The following CDH4 variants were observed in gnomAD, a reference collection of about 807,000 sequenced individuals.
CDH4 encodes the protein cadherin 4.
A neutral mutation model predicts 86.0 loss-of-function variants in CDH4; 33 were observed. The ratio of observed to expected loss-of-function variants is 0.38; its 90% CI spans 0.29 to 0.51. The LOEUF is 0.51. Among genes scored for constraint, CDH4 ranks in the 20% least tolerant of loss-of-function variants. The pLI, the probability that CDH4 is intolerant of heterozygous loss-of-function variation, is 0.86. For synonymous variants in CDH4, 555 were observed against 549.4 expected (o/e 1.01, Z -0.14); for missense variants, 1,114 against 1,307.4 (o/e 0.85, Z 2.28).
At chr20:61,889,645 G>A (rs1331734273) in intron 7 of CDH4, among the ~76,000 whole-genome samples, 1 of 151,104 alleles carries the variant, frequency 6.6e-6, no homozygotes, top group East Asian at 2.0e-4. Context: ...ATAGGTGGAT[G>A]ATGGATGGGT....
At position 61,518,779 on chromosome 20, in the gene CDH4, T is replaced by C. The variant is rs2085845416; in HGVS notation, c.170-224784T>C. ...CGTACATCCACCCATCATCCATCCT[T>C]TCATCCATCATTCATTCATCCATCC... On this transcript the variant is annotated intron_variant, in intron 2 of 15. Coordinates refer to ENST00000614565, the MANE Select transcript of CDH4 (RefSeq NM_001794.5). The surrounding 1 kb of genome is among the most constrained non-coding windows in gnomAD (Gnocchi z 6.3). Among the ~76,000 whole-genome samples the C allele has an allele frequency of 6.6e-6, 1 of 151,100 alleles. No homozygotes were observed. Among genetic ancestry groups the C allele is most frequent in the Non-Finnish European group, 1.5e-5 (1 of 67,730 alleles).
At position 61,505,691 on chromosome 20, in the gene CDH4, G is replaced by T. The variant is rs1297328036; in HGVS notation, c.170-237872G>T. Among the ~76,000 whole-genome samples, 2 of 143,254 alleles carry T rather than the reference G, an allele frequency of 1.4e-5. 1 individual carries two copies. Among genetic ancestry groups the T allele is most frequent in the Non-Finnish European group, 3.2e-5 (2 of 61,958 alleles). The allele number at this position is 143,254 out of a possible 152,430, so 94.0% of individuals were successfully genotyped here. On this transcript the variant is annotated intron_variant, in intron 2 of 15. Coordinates refer to ENST00000614565, the MANE Select transcript of CDH4 (RefSeq NM_001794.5). ...TGATTGACCCTGTGCTTGGCATCCT[G>T]CCTGGCAAGCCACAGTCGCTCACTG...
At chr20:61,835,763 G>A (rs898843799) in intron 4 of CDH4, among the ~76,000 whole-genome samples, 2 of 152,194 alleles carry the variant, frequency 1.3e-5, no homozygotes, top group Non-Finnish European at 2.9e-5. Flanking sequence ...CCCAACCTAA[G>A]ACACAGGGAT....
At chr20:61,476,381 G>C (rs529822785) in intron 2 of CDH4, among the ~76,000 whole-genome samples, 1 of 152,224 alleles carries the variant, frequency 6.6e-6, no homozygotes, top group Non-Finnish European at 1.5e-5. Flanking sequence ...GTGCCCGTGT[G>C]TGTGCACGTG....
intron 2 of CDH4, among the ~76,000 whole-genome samples, chr20:61,590,741 C>T (rs949675336): frequency 2.6e-5 from 4 of 152,170 alleles, no homozygotes; most frequent in Non-Finnish European, 4.4e-5. Flanking sequence ...AGTTATCACA[C>T]CCTTCACCTT....
chr20:61,497,891 GT>G (rs1568865696), intron 2 of CDH4, among the ~76,000 whole-genome samples: 1 of 151,964 alleles, frequency 6.6e-6, no homozygotes, highest in Non-Finnish European at 1.5e-5. Flanking sequence ...AAAAGGATGC[GT>G]TCATGTCCTT....
chr20:61,553,155 CATT>C (rs1223077130), intron 2 of CDH4, among the ~76,000 whole-genome samples: 4 of 152,218 alleles, frequency 2.6e-5, no homozygotes, highest in Non-Finnish European at 4.4e-5. Context: ...GCATTGGAAA[CATT>C]ATGCCAAGTG....
At chr20:61,337,638 G>A (rs1241986028) in intron 2 of CDH4, among the ~76,000 whole-genome samples, 2 of 152,034 alleles carry the variant, frequency 1.3e-5, no homozygotes, top group Non-Finnish European at 2.9e-5. Flanking sequence ...CATTTCCAAA[G>A]CCTCTCCCTG....
At chr20:61,910,366 CTG>C in intron 8 of CDH4, 54 bp from the exon 9 acceptor site, 3 of 1,480,380 alleles carry the variant, frequency 2.0e-6, no homozygotes, top group Admixed American at 3.4e-5. Flanking sequence ...GTGCACTTCT[CTG>C]TGCATATTTA....
intron 4 of CDH4, among the ~76,000 whole-genome samples, chr20:61,799,962 C>T (rs1347505927): frequency 3.9e-5 from 6 of 152,114 alleles, no homozygotes; most frequent in Admixed American, 6.5e-5. Context: ...GGGCCATCTC[C>T]GCTTGTCTTC....
intron 2 of CDH4, among the ~76,000 whole-genome samples, chr20:61,558,215 GT>G (rs1462297067): frequency 6.6e-6 from 1 of 152,106 alleles, no homozygotes; most frequent in African/African-American, 2.4e-5. Context: ...AGATTACACT[GT>G]TCTTATCTAT....
intron 8 of CDH4, among the ~76,000 whole-genome samples, chr20:61,901,078 T>C (rs1181947029): frequency 6.6e-6 from 1 of 152,190 alleles, no homozygotes; most frequent in East Asian, 1.9e-4. Flanking sequence ...GGTCAACCTC[T>C]CTGTCCTTTC....
At chr20:61,755,901 AG>A (rs2043937504) in intron 3 of CDH4, among the ~76,000 whole-genome samples, 1 of 152,210 alleles carries the variant, frequency 6.6e-6, no homozygotes, top group African/African-American at 2.4e-5. Context: ...AGTCTGAAAA[AG>A]AGTTCTGTGT....
intron 2 of CDH4, among the ~76,000 whole-genome samples, chr20:61,288,151 G>A (rs115110190): frequency 4.4e-4 from 67 of 152,106 alleles, no homozygotes; most frequent in African/African-American, 1.5e-3. Context: ...CAAGTAGAAC[G>A]CATTCCTCAG....
intron 2 of CDH4, among the ~76,000 whole-genome samples, chr20:61,694,154 T>A (rs543696757): frequency 4.7e-4 from 71 of 152,184 alleles, no homozygotes; most frequent in Admixed American, 2.8e-3. Flanking sequence ...TCAGCTATGA[T>A]CACAGGTGTG....
intron 2 of CDH4, among the ~76,000 whole-genome samples, chr20:61,340,742 G>A (rs1317395662): frequency 6.6e-6 from 1 of 151,830 alleles, no homozygotes; most frequent in Non-Finnish European, 1.5e-5. Flanking sequence ...ACACCTCCAC[G>A]CTCAACTGAT....
At chr20:61,521,980 G>T (rs929738534) in intron 2 of CDH4, among the ~76,000 whole-genome samples, 1 of 152,208 alleles carries the variant, frequency 6.6e-6, no homozygotes, top group Non-Finnish European at 1.5e-5. Context: ...CTGGTTGAAG[G>T]TCCGCTTATT....
At chr20:61,665,648 C>T (rs980597515) in intron 2 of CDH4, among the ~76,000 whole-genome samples, 4 of 152,322 alleles carry the variant, frequency 2.6e-5, no homozygotes, top group South Asian at 2.1e-4. Context: ...TGGATGCGAA[C>T]GAGTGCTCCC....
intron 2 of CDH4, among the ~76,000 whole-genome samples, chr20:61,448,453 A>G (rs1048445342): frequency 1.1e-4 from 17 of 152,220 alleles, no homozygotes; most frequent in African/African-American, 4.1e-4. Context: ...TTAATCATAC[A>G]TCACGGCACA....
Sources: gnomAD v4.1 joint callset for allele counts (sites outside exome capture counted in the v4.1 genomes callset) on GRCh38, gnomAD v4.1.1 for gene constraint, Gnocchi (gnomAD v3.1) non-coding constraint, MANE v1.5 for transcripts, NCBI Gene and HGNC (gene_info 2026-07-23, HGNC 2026-07-21) for gene names.